Variants in SH3GL1 observed in about 807,000 individuals in gnomAD.
SH3GL1 encodes endophilin-A2.
In SH3GL1, 21 loss-of-function variants were observed where a neutral mutation model predicts 48.8. That is an observed-to-expected ratio of 0.43 (90% CI 0.30 to 0.62). The LOEUF is 0.62. Among genes scored for constraint, SH3GL1 ranks in the 20% least tolerant of loss-of-function variants. The pLI is 0.11. For synonymous variants in SH3GL1, 282 were observed against 217.5 expected, an observed-to-expected ratio of 1.30 and a Z score of -2.61; for missense variants, 454 against 503.0, an observed-to-expected ratio of 0.90 and a Z score of 0.93.
chr19:4,363,700 T>C lies in SH3GL1; in HGVS notation c.624+20A>G. 3 of 1,612,350 alleles carry C rather than the reference T, an allele frequency of 1.9e-6. No homozygotes were observed. The highest frequency in any genetic ancestry group is 2.5e-6 in the Non-Finnish European group (3 of 1,179,950). ...CAAGGGCATAGGTCTTCTCAGGATG[T>C]GACACCCCGAGCTACTCACGTCAGT... On this transcript the variant is annotated intron_variant, in intron 6 of 9. Coordinates refer to ENST00000269886, the MANE Select transcript of SH3GL1 (RefSeq NM_003025.4).
At chr19:4,394,763 C>G (rs1312024054) in intron 1 of SH3GL1, among the ~76,000 whole-genome samples, 1 of 152,208 alleles carries the variant, frequency 6.6e-6, no homozygotes, top group East Asian at 1.9e-4. Context: ...ACCGTAAGAA[C>G]CCTTGGAAGT....
At chr19:4,382,260 T>TC (rs1160571582) in intron 1 of SH3GL1, among the ~76,000 whole-genome samples, 20 of 141,098 alleles carry the variant, frequency 1.4e-4, no homozygotes, top group Non-Finnish European at 2.2e-4. Context: ...TTTCTTTTTT[T>TC]TTTTTTTTTT....
At chr19:4,396,282 G>A (rs1973423513) in intron 1 of SH3GL1, among the ~76,000 whole-genome samples, 1 of 151,412 alleles carries the variant, frequency 6.6e-6, no homozygotes, top group Non-Finnish European at 1.5e-5. Context: ...GCCTGTAATC[G>A]CAGCTACTCG....
chr19:4,372,172 G>A (rs1367372064), intron 1 of SH3GL1, among the ~76,000 whole-genome samples: 2 of 152,176 alleles, frequency 1.3e-5, no homozygotes, highest in Admixed American at 1.3e-4. Flanking sequence ...TGGGGAGCTG[G>A]GGACCATAGG....
Position 4,400,240 on chromosome 19 carries a change from C to T in SH3GL1, c.45+84G>A. ...CGTCCCCACCTCGGTCCCCCCGGCC[C>T]CCTCCCGGGCCAGGTCGGGCCTGGC... On this transcript the variant is annotated intron_variant, in intron 1 of 9. Coordinates refer to ENST00000269886, the MANE Select transcript of SH3GL1 (RefSeq NM_003025.4). This position sits in a 1 kb window ranked among gnomAD's most constrained non-coding sequence, Gnocchi z 4.1. 6.9e-7 allele frequency: 1 copy of T among 1,457,306 alleles called. No individual in the cohort carries two copies. The highest frequency in any genetic ancestry group is 9.3e-7 in the Non-Finnish European group (1 of 1,077,970). 90.3% of individuals were successfully genotyped at this position (1,457,306 alleles called of 1,614,324 possible). A position where few individuals can be genotyped will look rare whatever the true frequency, so the allele number is the denominator to read the frequency against.
intron 3 of SH3GL1, among the ~76,000 whole-genome samples, 189 bp from the exon 4 acceptor site, chr19:4,365,814 C>T (rs748881133): frequency 6.6e-5 from 10 of 152,174 alleles, no homozygotes; most frequent in Admixed American, 1.3e-4. Context: ...GAGCTGGCAG[C>T]GGGTGGAGAG....
chr19:4,384,911 C>G (rs1001018337), intron 1 of SH3GL1, among the ~76,000 whole-genome samples: 2 of 152,124 alleles, frequency 1.3e-5, no homozygotes, highest in Non-Finnish European at 2.9e-5. Context: ...CGAGACTAGC[C>G]TGGCCAACAT....
chr19:4,364,627 C>T (rs547674218), intron 4 of SH3GL1: 2 of 255,638 alleles, frequency 7.8e-6, no homozygotes, highest in East Asian at 1.1e-4. Flanking sequence ...GACGGGGTTT[C>T]ACCATATAGA....
At position 4,389,545 on chromosome 19, in the gene SH3GL1, C is replaced by A. The variant is rs373976522; in HGVS notation, c.45+10779G>T. 4.6e-5 allele frequency among the ~76,000 whole-genome samples: 7 copies of A among 152,250 alleles called. No individual in the cohort carries two copies. The highest frequency in any genetic ancestry group is 1.7e-4 in the African/African-American group (7 of 41,544). ...GAAGAGTAGCATTTAAACCTGGGACCAAGGCAGGGGCTCCAGAAGCTCCCG... is the reference window on the plus strand; with the variant it reads ...GAAGAGTAGCATTTAAACCTGGGACAAAGGCAGGGGCTCCAGAAGCTCCCG... On this transcript the variant is annotated intron_variant, in intron 1 of 9. Coordinates refer to ENST00000269886, the MANE Select transcript of SH3GL1 (RefSeq NM_003025.4). This position sits in a 1 kb window ranked among gnomAD's most constrained non-coding sequence, Gnocchi z 4.5.
Position 4,366,493 on chromosome 19 carries a change from G to GCACC in SH3GL1, c.187+4_187+7dup. On this transcript the variant is annotated splice_region_variant and intron_variant, in intron 3 of 9. Coordinates refer to ENST00000269886, the MANE Select transcript of SH3GL1 (RefSeq NM_003025.4). ...GGGGCAGGCCCTGGCAGTGGCTGGA[G>GCACC]CACCCACCTGGGTTGGGCTGCAGGT... The GCACC allele has an allele frequency of 1.2e-6, 2 of 1,606,818 alleles. No individual in the cohort carries two copies.
At chr19:4,362,133 A>G (rs1972634541) in intron 9 of SH3GL1, among the ~76,000 whole-genome samples, 196 bp downstream of exon 9, 1 of 152,212 alleles carries the variant, frequency 6.6e-6, no homozygotes, top group African/African-American at 2.4e-5. Flanking sequence ...GCCCTTGGCA[A>G]TCCCTCATTC....
In SH3GL1 at chr19:4,376,587, G is replaced by A. The variant is rs1231362805; in HGVS notation, c.46-9593C>T. Reference sequence around the variant, plus strand: ...ACACCACTGATGCCTCCTCTCTCGTGCGCCTGCCCCTTCACACTTCATCTT... The same window carrying A: ...ACACCACTGATGCCTCCTCTCTCGTACGCCTGCCCCTTCACACTTCATCTT... On this transcript the variant is annotated intron_variant, in intron 1 of 9. Transcript: ENST00000269886. This position sits in a 1 kb window ranked among gnomAD's most constrained non-coding sequence, Gnocchi z 4.3. Among the ~76,000 whole-genome samples the A allele has an allele frequency of 6.6e-6, 1 of 151,906 alleles. No individual in the cohort carries two copies. The highest frequency in any genetic ancestry group is 1.5e-5 in the Non-Finnish European group (1 of 67,988).
chr19:4,363,557 G>A, intron 6 of SH3GL1, 84 bp from the exon 7 acceptor site: 1 of 1,468,630 alleles, frequency 6.8e-7, no homozygotes, highest in Non-Finnish European at 9.4e-7. Flanking sequence ...GCCACAGGAG[G>A]CAAGGGGGCT....
chr19:4,365,978 G>A (rs1972768824), intron 3 of SH3GL1, among the ~76,000 whole-genome samples: 2 of 152,190 alleles, frequency 1.3e-5, no homozygotes, highest in South Asian at 2.1e-4. Context: ...CGGGGTGGGT[G>A]ATGAGCTGTG....
chr19:4,366,718 C>T, intron 2 of SH3GL1, 145 bp from the exon 3 acceptor site: 1 of 945,828 alleles, frequency 1.1e-6, no homozygotes, highest in Non-Finnish European at 1.7e-6. Flanking sequence ...CAGCCATGTC[C>T]CCACAGCTGC....
rs989244972 is a variant in SH3GL1, at chr19:4,367,670, CT to C, written c.46-677del. Among the ~76,000 whole-genome samples, 8 of 152,202 alleles carry C rather than the reference CT, an allele frequency of 5.3e-5. No homozygotes were observed. Among genetic ancestry groups the C allele is most frequent in the Non-Finnish European group, 1.2e-4 (8 of 68,030 alleles). Reference sequence around the variant, plus strand: ...GTGAAAGCGATGACAATGACAGGCACTTACAGCGTCTTTCCTCGTGTGGTGG... The same window carrying C: ...GTGAAAGCGATGACAATGACAGGCACTACAGCGTCTTTCCTCGTGTGGTGG... On this transcript the variant is annotated intron_variant, in intron 1 of 9. Coordinates refer to ENST00000269886, the MANE Select transcript of SH3GL1 (RefSeq NM_003025.4). The surrounding 1 kb of genome is among the most constrained non-coding windows in gnomAD (Gnocchi z 4.2).
intron 1 of SH3GL1, among the ~76,000 whole-genome samples, chr19:4,399,628 AC>A (rs1184501310): frequency 6.8e-6 from 1 of 146,320 alleles, no homozygotes; most frequent in African/African-American, 2.5e-5. Context: ...GGACGGCCCC[AC>A]CACGGAGAAC....
intron 1 of SH3GL1, among the ~76,000 whole-genome samples, chr19:4,388,139 G>A (rs1260524757): frequency 6.6e-6 from 1 of 152,164 alleles, no homozygotes; most frequent in African/African-American, 2.4e-5. Context: ...GATTACAGGT[G>A]TGAGCCATCG....
rs942731531 is a variant in SH3GL1 at position 4,389,204 on chromosome 19, C to T, written c.45+11120G>A. Among the ~76,000 whole-genome samples, 11 of 152,158 alleles carry T rather than the reference C, an allele frequency of 7.2e-5. No homozygotes were observed. The highest frequency in any genetic ancestry group is 1.3e-4 in the Non-Finnish European group (9 of 68,012). On this transcript the variant is annotated intron_variant, in intron 1 of 9. Transcript: ENST00000269886. The surrounding 1 kb of genome is among the most constrained non-coding windows in gnomAD (Gnocchi z 4.5). ...CAGAACATGGCCCATCACACATGCCCGAGCACAGCCCAGCCTCAGGAGCTG... is the reference window on the plus strand; with the variant it reads ...CAGAACATGGCCCATCACACATGCCTGAGCACAGCCCAGCCTCAGGAGCTG...
Sources: allele counts gnomAD v4.1 joint callset (sites outside exome capture counted in the v4.1 genomes callset), GRCh38; gene constraint gnomAD v4.1.1; non-coding constraint Gnocchi (gnomAD v3.1); transcripts MANE v1.5; gene names NCBI Gene and HGNC (gene_info 2026-07-23, HGNC 2026-07-21).